Variants in MYO16 observed in about 807,000 individuals in gnomAD.
MYO16 encodes unconventional myosin-XVI.
MYO16 carries 94 observed loss-of-function variants against 205.3 expected under a neutral mutation model. That is an observed-to-expected ratio of 0.46 (90% CI 0.39 to 0.54). The LOEUF is 0.54. Among genes scored for constraint, MYO16 ranks in the 20% least tolerant of loss-of-function variants. The pLI is 0.00. For missense variants in MYO16, 2,315 were observed against 2,387.5 expected, an observed-to-expected ratio of 0.97 and a Z score of 0.63; for synonymous variants, 988 against 954.0, an observed-to-expected ratio of 1.04 and a Z score of -0.66.
chr13:108,849,525 T>TTGTGTGTG (rs112815062), intron 10 of MYO16, among the ~76,000 whole-genome samples: 20,110 of 127,614 alleles, frequency 0.16, 2,539 homozygotes, highest in Non-Finnish European at 0.22. Flanking sequence ...ATTTCCTCCT[T>TTGTGTGTG]TGTGTGTGTG....
chr13:108,953,808 C>T (rs1883245604), intron 16 of MYO16, among the ~76,000 whole-genome samples: 1 of 152,140 alleles, frequency 6.6e-6, no homozygotes, highest in Admixed American at 6.5e-5. Context: ...CTAGTGAAAT[C>T]ATCCTAGATG....
At chr13:108,647,343 G>A (rs1880799378) in intron 1 of MYO16, among the ~76,000 whole-genome samples, 1 of 152,108 alleles carries the variant, frequency 6.6e-6, no homozygotes, top group Admixed American at 6.5e-5. Context: ...AGCTGCTCTA[G>A]AAGCCTCCAG....
chr13:108,649,961 A>T (rs2139398591), intron 1 of MYO16, among the ~76,000 whole-genome samples: 1 of 152,332 alleles, frequency 6.6e-6, no homozygotes, highest in Admixed American at 6.5e-5. Flanking sequence ...ATGACAATAG[A>T]GATTTTAGCA....
chr13:108,518,098 G>A, the MYO16 span, among the ~76,000 whole-genome samples: 4 of 152,268 alleles, frequency 2.6e-5, no homozygotes, highest in South Asian at 8.3e-4. Flanking sequence ...CTATACAGAG[G>A]AAATAAACTA....
At chr13:108,781,774 G>A (rs1455051113) in intron 4 of MYO16, among the ~76,000 whole-genome samples, 1 of 152,196 alleles carries the variant, frequency 6.6e-6, no homozygotes, top group Non-Finnish European at 1.5e-5. Context: ...CTGGGGGCCG[G>A]TCTTTCCTGT....
chr13:108,735,210 C>A (rs1884649898), intron 4 of MYO16, among the ~76,000 whole-genome samples: 1 of 151,768 alleles, frequency 6.6e-6, no homozygotes, highest in Admixed American at 6.6e-5. Context: ...TGTGCTGCAC[C>A]CATTAACTCG....
chr13:108,953,147 A>G (rs371866076), intron 16 of MYO16, among the ~76,000 whole-genome samples: 21 of 152,238 alleles, frequency 1.4e-4, no homozygotes, highest in African/African-American at 4.8e-4. Context: ...ATGATTGTCA[A>G]CTTTCAGGTG....
At chr13:108,807,728 G>A (rs1887158011) in intron 7 of MYO16, among the ~76,000 whole-genome samples, 1 of 152,126 alleles carries the variant, frequency 6.6e-6, no homozygotes, top group South Asian at 2.1e-4. Flanking sequence ...TTCTTTTTGA[G>A]TTGCTTGCTC....
In MYO16 at chr13:108,871,808, G is replaced by A. The variant is rs551485914; in HGVS notation, c.1425+5566G>A. Among the ~76,000 whole-genome samples, 105 of 152,262 alleles carry A rather than the reference G, an allele frequency of 6.9e-4. 1 individual carries two copies. The highest frequency in any genetic ancestry group is 1.9e-3 in the African/African-American group (77 of 41,548). On this transcript the variant is annotated intron_variant, in intron 12 of 34. Transcript: ENST00000457511. ...GGGAGGAGGGGATGGAAAAGATCCCGTGTGGCCCGGTGCATCCTGATTTTC... is the reference window on the plus strand; with the variant it reads ...GGGAGGAGGGGATGGAAAAGATCCCATGTGGCCCGGTGCATCCTGATTTTC...
At chr13:108,699,486 G>A (rs1926506) in intron 2 of MYO16, among the ~76,000 whole-genome samples, 98,627 of 151,966 alleles carry the variant, frequency 0.65, 32,049 homozygotes, top group East Asian at 0.78. Context: ...AATTGTCAGA[G>A]CATTATATAG....
At chr13:108,813,125 A>G (rs1417665223) in intron 7 of MYO16, among the ~76,000 whole-genome samples, 1 of 152,162 alleles carries the variant, frequency 6.6e-6, no homozygotes, top group Non-Finnish European at 1.5e-5. Flanking sequence ...GAAATAAAAG[A>G]GGAGTGTTTC....
At chr13:108,700,349 AAGAAG>A (rs748134195) in intron 2 of MYO16, among the ~76,000 whole-genome samples, 21,927 of 111,082 alleles carry the variant, frequency 0.2, 1,995 homozygotes, top group Middle Eastern at 0.23. Context: ...AAAAAAAAAA[AAGAAG>A]AAGAAGAAGA....
intron 2 of MYO16, among the ~76,000 whole-genome samples, chr13:108,700,682 A>G (rs941102611): frequency 6.6e-6 from 1 of 152,216 alleles, no homozygotes; most frequent in Non-Finnish European, 1.5e-5. Context: ...TCCCTGGGGC[A>G]TTTGTAGAAA....
chr13:109,037,497 G>C (rs1027939376), intron 23 of MYO16, among the ~76,000 whole-genome samples: 6 of 152,168 alleles, frequency 3.9e-5, no homozygotes, highest in African/African-American at 1.4e-4. Context: ...GTAATGCCAT[G>C]AGTCCTTCTC....
intron 28 of MYO16, 95 bp downstream of exon 28, chr13:109,100,982 AC>A: frequency 1.1e-5 from 12 of 1,083,732 alleles, no homozygotes; most frequent in Non-Finnish European, 1.6e-5. Flanking sequence ...CCTGGCAAAA[AC>A]AAATTCCTTT....
rs536598309 is a variant in MYO16, at chr13:109,140,064, A to T, written c.4052-200A>T. Among the ~76,000 whole-genome samples the T allele has an allele frequency of 8.6e-5, 13 of 151,842 alleles. No homozygotes were observed. In the East Asian group the frequency reaches 2.2e-3, roughly 25 times the overall value. On this transcript the variant is annotated intron_variant, in intron 31 of 34. Transcript: ENST00000457511. The surrounding 1 kb of genome is among the most constrained non-coding windows in gnomAD (Gnocchi z 8.0). Reference sequence around the variant, plus strand: ...GTGGGAGTCTTCTTCCATCTCCAAGATCAAAACTCTCTTTTCTTGGGGGTG... The same window carrying T: ...GTGGGAGTCTTCTTCCATCTCCAAGTTCAAAACTCTCTTTTCTTGGGGGTG...
chr13:108,510,485 T>TTTTTTTTTTTTTTA, the MYO16 span, among the ~76,000 whole-genome samples: 20 of 96,460 alleles, frequency 2.1e-4, no homozygotes, highest in Non-Finnish European at 3.7e-4. Flanking sequence ...TTTTTTTTTT[T>TTTTTTTTTTTTTTA]ATTGTACTTT....
chr13:108,609,047 A>G (rs1879071769), intron 1 of MYO16, among the ~76,000 whole-genome samples: 2 of 151,874 alleles, frequency 1.3e-5, no homozygotes, highest in African/African-American at 4.8e-5. Flanking sequence ...CCCCAGCAAC[A>G]CTCTTCACAA....
upstream of MYO16, among the ~76,000 whole-genome samples, chr13:108,626,125 G>GA (rs1173444110): frequency 2.0e-5 from 3 of 151,640 alleles, no homozygotes; most frequent in African/African-American, 7.3e-5. Flanking sequence ...AGCCTTATTT[G>GA]AAAAAATCTG....
Sources: allele counts gnomAD v4.1 joint callset (sites outside exome capture counted in the v4.1 genomes callset), GRCh38; gene constraint gnomAD v4.1.1; non-coding constraint Gnocchi (gnomAD v3.1); transcripts MANE v1.5; gene names NCBI Gene and HGNC (gene_info 2026-07-23, HGNC 2026-07-21).